The following RUBCNL variants were observed in gnomAD, a reference collection of about 807,000 sequenced individuals.
RUBCNL encodes the protein rubicon like autophagy enhancer.
RUBCNL carries 62 observed loss-of-function variants against 69.5 expected under a neutral mutation model. The ratio of observed to expected loss-of-function variants is 0.89; its 90% CI spans 0.73 to 1.10. The LOEUF is 1.10. Among genes scored for constraint, RUBCNL ranks in the 50% least tolerant of loss-of-function variants. The probability of loss-of-function intolerance (pLI) is 0.00; values close to 1 mark genes in which losing one functional copy is unlikely to be tolerated. For missense variants in RUBCNL, 768 were observed against 798.1 expected, an observed-to-expected ratio of 0.96 and a Z score of 0.45; for synonymous variants, 291 against 303.6, an observed-to-expected ratio of 0.96 and a Z score of 0.43.
chr13:46,356,806 T>C (rs1471347438), intron 9 of RUBCNL, among the ~76,000 whole-genome samples: 1 of 151,796 alleles, frequency 6.6e-6, no homozygotes, highest in Non-Finnish European at 1.5e-5. Flanking sequence ...TCGGCTCAGC[T>C]CAAGCAATCC....
chr13:46,350,413 C>T (rs2048346721), intron 10 of RUBCNL, 62 bp from the exon 11 acceptor site: 2 of 1,199,674 alleles, frequency 1.7e-6, no homozygotes, highest in South Asian at 1.4e-5. Context: ...CTGGTATACC[C>T]CGACTTCCAA....
chr13:46,372,424 C>G lies in RUBCNL; in HGVS notation c.52G>C (p.Gly18Arg), dbSNP rs1206845714. The G allele has an allele frequency of 1.9e-6, 3 of 1,612,312 alleles. No individual in the cohort carries two copies. The highest frequency in any genetic ancestry group is 2.5e-6 in the Non-Finnish European group (3 of 1,179,166). Residue 18 changes from glycine to arginine, a missense_variant, in exon 3 of 15, where the codon GGG becomes CGG. Transcript: ENST00000429979. ...RQDSPVEPWE[G>R]ISDHSGIIDG... Reference sequence around the variant, plus strand: ...ATAATGCCAGAGTGATCGCTGATCCCTTCCCAGGGCTCCACAGGAGAATCC... The same window carrying G: ...ATAATGCCAGAGTGATCGCTGATCCGTTCCCAGGGCTCCACAGGAGAATCC...
At chr13:46,387,427 C>T (rs751685956), upstream of RUBCNL, 4 of 985,492 alleles carry the variant, frequency 4.1e-6, no homozygotes, top group Non-Finnish European at 4.8e-6. Context: ...ATGCGCGCTC[C>T]TACACCGGTG....
chr13:46,344,266 G>T (rs1446578253), intron 14 of RUBCNL, among the ~76,000 whole-genome samples: 1 of 152,166 alleles, frequency 6.6e-6, no homozygotes, highest in Non-Finnish European at 1.5e-5. Flanking sequence ...AGAGTTTACA[G>T]AACACGGGAT....
At chr13:46,381,203 G>A (rs1346897745) in intron 1 of RUBCNL, among the ~76,000 whole-genome samples, 1 of 152,070 alleles carries the variant, frequency 6.6e-6, no homozygotes, top group African/African-American at 2.4e-5. Flanking sequence ...GCCAAAAAGT[G>A]GAAACAAATG....
chr13:46,353,547 G>A (rs1228755098), intron 10 of RUBCNL, among the ~76,000 whole-genome samples: 1 of 152,164 alleles, frequency 6.6e-6, no homozygotes, highest in Non-Finnish European at 1.5e-5. Flanking sequence ...GCCTCCCAAG[G>A]GGCATTTGCA....
At chr13:46,367,933 G>A in intron 5 of RUBCNL, 109 bp downstream of exon 5, 1 of 1,046,966 alleles carries the variant, frequency 9.6e-7, no homozygotes, top group Non-Finnish European at 1.4e-6. Context: ...TGAAGGTTCA[G>A]GCTTCCACTG....
chr13:46,351,111 A>G (rs2048360161), intron 10 of RUBCNL: 1 of 151,896 alleles, frequency 6.6e-6, no homozygotes, highest in Non-Finnish European at 1.5e-5. Context: ...GAAAAAAAAA[A>G]AAAATTAGCC....
intron 12 of RUBCNL, among the ~76,000 whole-genome samples, chr13:46,347,426 CAA>C (rs1309243760): frequency 6.6e-6 from 1 of 151,638 alleles, no homozygotes; most frequent in African/African-American, 2.4e-5. Flanking sequence ...CCAAAAACAA[CAA>C]AAAAAACTAT....
chr13:46,355,865 A>G (rs912956895), intron 10 of RUBCNL, among the ~76,000 whole-genome samples: 1 of 152,230 alleles, frequency 6.6e-6, no homozygotes, highest in Non-Finnish European at 1.5e-5. Flanking sequence ...AAAATATAAG[A>G]GACTATTTTA....
chr13:46,384,974 G>A lies in RUBCNL; in HGVS notation c.-239+2160C>T, dbSNP rs192843166. ...TAGTCTCACCATCCATGTTGCCTCC[G>A]TGTGTGGGATAAAAGACAATGCAAA... is the stretch of plus-strand genomic sequence containing the variant. On this transcript the variant is annotated intron_variant, in intron 1 of 14. Transcript: ENST00000429979. Among the ~76,000 whole-genome samples, 12 of 152,240 alleles carry A rather than the reference G, an allele frequency of 7.9e-5. No homozygotes were observed. The East Asian group carries it at 1.2e-3, about 15-fold the overall frequency.
intron 6 of RUBCNL, 58 bp downstream of exon 6, chr13:46,363,057 G>A (rs2048667866): frequency 2.1e-6 from 2 of 954,620 alleles, no homozygotes; most frequent in Non-Finnish European, 3.2e-6. Context: ...GTTAGTGTGT[G>A]TATGCGGATG....
At chr13:46,386,702 G>A (rs779979866) in intron 1 of RUBCNL, among the ~76,000 whole-genome samples, 7 of 152,190 alleles carry the variant, frequency 4.6e-5, no homozygotes, top group African/African-American at 7.2e-5. Flanking sequence ...ATGTTTTTCT[G>A]TCACCACATA....
At chr13:46,368,548 C>T in intron 4 of RUBCNL, 185 bp downstream of exon 4, 1 of 964,212 alleles carries the variant, frequency 1.0e-6, no homozygotes, top group Non-Finnish European at 1.2e-6. Flanking sequence ...AACTTTCCAG[C>T]TGAGCACAGG....
At chr13:46,373,611 G>A (rs1310451782) in intron 2 of RUBCNL, among the ~76,000 whole-genome samples, 41 of 152,200 alleles carry the variant, frequency 2.7e-4, no homozygotes, top group Non-Finnish European at 5.9e-5. Context: ...TTGCTTTTCT[G>A]TTCTTCCACT....
chr13:46,370,872 A>T (rs939409726), intron 3 of RUBCNL, among the ~76,000 whole-genome samples: 3 of 150,348 alleles, frequency 2.0e-5, no homozygotes, highest in African/African-American at 7.3e-5. Context: ...TTTGCAAGTC[A>T]CTCTTAATCC....
intron 6 of RUBCNL, among the ~76,000 whole-genome samples, chr13:46,362,871 C>T (rs1184767282): frequency 7.7e-6 from 1 of 129,280 alleles, no homozygotes; most frequent in Admixed American, 8.3e-5. Flanking sequence ...TTTCATTCAA[C>T]TCTACAAGTG....
rs1304359804 is a variant in RUBCNL at position 46,335,366 on chromosome 13, A to G, written c.*8019T>C. Among the ~76,000 whole-genome samples, 2 of 151,048 alleles carry G rather than the reference A, an allele frequency of 1.3e-5. No individual in the cohort carries two copies. The highest frequency in any genetic ancestry group is 2.9e-5 in the Non-Finnish European group (2 of 67,936). Reference sequence around the variant, plus strand: ...TCATCCTCCTGCATTGGCCTCCCAAAGTGCTGGGATTACAGACACGAGCCA... The same window carrying G: ...TCATCCTCCTGCATTGGCCTCCCAAGGTGCTGGGATTACAGACACGAGCCA... On this transcript the variant is annotated 3_prime_UTR_variant, in exon 15 of 15. Coordinates refer to ENST00000429979, the MANE Select transcript of RUBCNL (RefSeq NM_025113.5).
intron 10 of RUBCNL, chr13:46,354,898 G>C: frequency 2.2e-6 from 1 of 456,296 alleles, no homozygotes; most frequent in Non-Finnish European, 4.4e-6. Context: ...TGGAGCGATA[G>C]TCATATGTGT....
Sources: allele counts gnomAD v4.1 joint callset (sites outside exome capture counted in the v4.1 genomes callset), GRCh38; gene constraint gnomAD v4.1.1; transcripts MANE v1.5; gene names NCBI Gene and HGNC (gene_info 2026-07-23, HGNC 2026-07-21).